Variants in CFAP299 observed in about 807,000 individuals in gnomAD.
The protein encoded by CFAP299 is cilia- and flagella-associated protein 299.
In CFAP299, 21 loss-of-function variants were observed where a neutral mutation model predicts 27.0. That is an observed-to-expected ratio of 0.78 (90% CI 0.55 to 1.12). The LOEUF (loss-of-function observed/expected upper bound fraction) is 1.12. Ranked by LOEUF, CFAP299 falls within the 50% of genes most tolerant of loss-of-function variation. The pLI, the probability that CFAP299 is intolerant of heterozygous loss-of-function variation, is 0.00. For synonymous variants in CFAP299, 104 were observed against 98.1 expected, an observed-to-expected ratio of 1.06 and a Z score of -0.36; for missense variants, 310 against 276.6, an observed-to-expected ratio of 1.12 and a Z score of -0.86.
intron 2 of CFAP299, among the ~76,000 whole-genome samples, chr4:80,489,496 A>G (rs1731006087): frequency 6.6e-6 from 1 of 152,234 alleles, no homozygotes; most frequent in South Asian, 2.1e-4. Flanking sequence ...ACAAATGCAA[A>G]TTTAGAAAAC....
chr4:80,494,548 C>A (rs1578513266), intron 2 of CFAP299, among the ~76,000 whole-genome samples: 1 of 152,154 alleles, frequency 6.6e-6, no homozygotes, highest in Non-Finnish European at 1.5e-5. Flanking sequence ...TGTCTCACAG[C>A]ATTTGGTTCT....
At chr4:80,556,754 A>G (rs1036342827) in intron 2 of CFAP299, among the ~76,000 whole-genome samples, 2 of 151,974 alleles carry the variant, frequency 1.3e-5, no homozygotes, top group African/African-American at 4.8e-5. Flanking sequence ...TTACTATAAA[A>G]TTGTCATTCA....
At chr4:80,604,770 A>G (rs1213919687) in intron 3 of CFAP299, among the ~76,000 whole-genome samples, 2 of 152,198 alleles carry the variant, frequency 1.3e-5, no homozygotes, top group Non-Finnish European at 2.9e-5. Context: ...AGGGACAACA[A>G]TCAAAAAACG....
chr4:80,687,977 C>G (rs1410769898), intron 3 of CFAP299, among the ~76,000 whole-genome samples: 2 of 152,206 alleles, frequency 1.3e-5, no homozygotes, highest in Non-Finnish European at 2.9e-5. Context: ...CTGCGCTTTT[C>G]CGAAGGGCTT....
Position 80,335,735 on chromosome 4 carries a change from C to G in CFAP299, c.-34C>G, listed in dbSNP as rs751482039. The G allele has an allele frequency of 9.8e-6, 13 of 1,329,630 alleles. No homozygotes were observed. Among genetic ancestry groups the G allele is most frequent in the Non-Finnish European group, 1.4e-5 (13 of 921,144 alleles). The allele number at this position is 1,329,630 out of a possible 1,614,324, so 82.4% of individuals were successfully genotyped here. ...CCTCCTGACCCTGCCCTCCTGCTTC[C>G]GTTGCTAGGGACGCTTCGGCCGAGG... On this transcript the variant is annotated 5_prime_UTR_variant, in exon 1 of 6. Transcript: ENST00000358105.
intron 3 of CFAP299, among the ~76,000 whole-genome samples, chr4:80,692,540 C>T (rs374522606): frequency 6.6e-6 from 1 of 152,058 alleles, no homozygotes; most frequent in Non-Finnish European, 1.5e-5. Context: ...ATACAAAAAT[C>T]AATTCAAGAT....
intron 3 of CFAP299, among the ~76,000 whole-genome samples, chr4:80,765,468 A>G (rs1725804469): frequency 6.6e-6 from 1 of 152,180 alleles, no homozygotes; most frequent in Non-Finnish European, 1.5e-5. Flanking sequence ...AATTTACAAA[A>G]CACACCAAGA....
intron 3 of CFAP299, among the ~76,000 whole-genome samples, chr4:80,729,695 G>A (rs1366688951): frequency 6.8e-6 from 1 of 146,824 alleles, no homozygotes. Context: ...CACCTTCCGG[G>A]TTCATGCCAT....
chr4:80,746,892 T>G (rs1237225159), intron 3 of CFAP299, among the ~76,000 whole-genome samples: 1 of 152,048 alleles, frequency 6.6e-6, no homozygotes, highest in African/African-American at 2.4e-5. Flanking sequence ...TTAGAATAAC[T>G]AACTAGAAAC....
intron 2 of CFAP299, among the ~76,000 whole-genome samples, chr4:80,383,846 T>TG (rs1250296951): frequency 6.8e-6 from 1 of 146,788 alleles, no homozygotes. Flanking sequence ...TTTATCTATC[T>TG]GTTTTTTTTT....
intron 2 of CFAP299, chr4:80,387,069 T>A: frequency 1.4e-6 from 2 of 1,430,140 alleles, no homozygotes. Flanking sequence ...GCAGGGGAAG[T>A]TGTGAGTGGC....
At chr4:80,666,909 T>G (rs1045582874) in intron 3 of CFAP299, among the ~76,000 whole-genome samples, 5 of 152,326 alleles carry the variant, frequency 3.3e-5, no homozygotes, top group Non-Finnish European at 7.3e-5. Context: ...GATTAAACAT[T>G]TCTCCTGACT....
At chr4:80,902,549 A>G (rs988354411) in intron 4 of CFAP299, among the ~76,000 whole-genome samples, 6 of 131,316 alleles carry the variant, frequency 4.6e-5, no homozygotes, top group Non-Finnish European at 9.3e-5. Context: ...ATCCATATGT[A>G]TCTGGATTAT....
chr4:80,673,298 GT>G (rs1329710563), intron 3 of CFAP299, among the ~76,000 whole-genome samples: 7 of 152,086 alleles, frequency 4.6e-5, no homozygotes, highest in African/African-American at 1.4e-4. Flanking sequence ...AGGTTGTTCA[GT>G]TTCCATGTAG....
chr4:80,735,935 G>T (rs985305176), intron 3 of CFAP299, among the ~76,000 whole-genome samples: 1 of 151,892 alleles, frequency 6.6e-6, no homozygotes, highest in Non-Finnish European at 1.5e-5. Flanking sequence ...TGGTATCAGG[G>T]TAATACTGGC....
intron 3 of CFAP299, among the ~76,000 whole-genome samples, chr4:80,657,229 T>A (rs1283332778): frequency 6.6e-6 from 1 of 152,200 alleles, no homozygotes; most frequent in Non-Finnish European, 1.5e-5. Flanking sequence ...TTCTTTAGTT[T>A]AATTAGATCC....
chr4:80,464,955 T>G (rs1266414000), intron 2 of CFAP299, among the ~76,000 whole-genome samples: 1 of 152,164 alleles, frequency 6.6e-6, no homozygotes, highest in African/African-American at 2.4e-5. Context: ...CGAATGGTAT[T>G]AAAGTTATAA....
chr4:80,420,073 GT>G (rs1727218842), intron 2 of CFAP299: 1 of 391,756 alleles, frequency 2.6e-6, no homozygotes, highest in African/African-American at 2.1e-5. Flanking sequence ...AGCCAAGCAG[GT>G]TATGGTGGCA....
At chr4:80,531,042 A>G (rs963237481) in intron 2 of CFAP299, among the ~76,000 whole-genome samples, 2 of 152,176 alleles carry the variant, frequency 1.3e-5, no homozygotes, top group African/African-American at 2.4e-5. Flanking sequence ...AATAATTTAT[A>G]TTTTAAAAGT....
Sources: allele counts gnomAD v4.1 joint callset (sites outside exome capture counted in the v4.1 genomes callset), GRCh38; gene constraint gnomAD v4.1.1; transcripts MANE v1.5; gene names NCBI Gene and HGNC (gene_info 2026-07-23, HGNC 2026-07-21).